The following MAEL variants were observed in gnomAD, a reference collection of about 807,000 sequenced individuals.
MAEL encodes protein maelstrom homolog.
In MAEL, 46 loss-of-function variants were observed where a neutral mutation model predicts 62.0. The observed-to-expected ratio is 0.74, with a 90% CI of 0.59 to 0.95. MAEL has a LOEUF of 0.95. MAEL is among the 40% of genes least tolerant of loss of function. The pLI is 0.00. For missense variants in MAEL, 497 were observed against 526.8 expected, an observed-to-expected ratio of 0.94 and a Z score of 0.55; for synonymous variants, 172 against 175.5, an observed-to-expected ratio of 0.98 and a Z score of 0.16.
At chr1:166,991,652 TAGG>T (rs1664178524) in intron 3 of MAEL, among the ~76,000 whole-genome samples, 175 bp downstream of exon 3, 2 of 151,394 alleles carry the variant, frequency 1.3e-5, no homozygotes, top group South Asian at 2.1e-4. Context: ...TGAAATAAAA[TAGG>T]AGAGTGGTTT....
chr1:166,991,406 C>T lies in MAEL; in HGVS notation c.254C>T (p.Pro85Leu), dbSNP rs1664168457. The T allele has an allele frequency of 6.2e-7, 1 of 1,612,966 alleles. No homozygotes were observed. Among genetic ancestry groups the T allele is most frequent in the Non-Finnish European group, 8.5e-7 (1 of 1,179,158 alleles). The change falls in exon 3 of 12, where the codon CCA becomes CTA. Residue 85 changes from proline to leucine, a missense_variant. Pro to Leu is a moderately conservative substitution (Grantham distance 98). Coordinates refer to ENST00000367872, the MANE Select transcript of MAEL (RefSeq NM_032858.3). ...QKPVFTPLRRPGMLVPKQNVS... is the reference protein window; with the variant it reads ...QKPVFTPLRRLGMLVPKQNVS... ...CCTGTTTTCACACCACTGAGGAGGC[C>T]AGGCATGCTTGTACCAAAGCAGAAT...
At chr1:166,982,194 T>C (rs1371455573) in intron 1 of MAEL, among the ~76,000 whole-genome samples, 2 of 152,202 alleles carry the variant, frequency 1.3e-5, no homozygotes, top group African/African-American at 4.8e-5. Context: ...GTCTAGATGG[T>C]ACTCAGAAAT....
At chr1:166,993,008 T>G (rs1266464858) in intron 4 of MAEL, among the ~76,000 whole-genome samples, 167 bp downstream of exon 4, 2 of 152,164 alleles carry the variant, frequency 1.3e-5, no homozygotes, top group African/African-American at 4.8e-5. Flanking sequence ...AATTAGGTGT[T>G]GACAAAGGGT....
At chr1:167,007,425 C>T (rs1664963175) in intron 8 of MAEL, among the ~76,000 whole-genome samples, 1 of 152,264 alleles carries the variant, frequency 6.6e-6, no homozygotes, top group South Asian at 2.1e-4. Context: ...AGCCATTTCT[C>T]CCAAGAATCT....
intron 1 of MAEL, among the ~76,000 whole-genome samples, chr1:166,977,920 C>T (rs1418675878): frequency 1.3e-5 from 2 of 151,942 alleles, no homozygotes; most frequent in Non-Finnish European, 1.5e-5. Flanking sequence ...TACTGGACTC[C>T]AGCCTGGGTG....
chr1:166,980,376 G>A (rs1300634860), intron 1 of MAEL, among the ~76,000 whole-genome samples: 1 of 152,016 alleles, frequency 6.6e-6, no homozygotes, highest in Non-Finnish European at 1.5e-5. Context: ...AAAGGTGCTG[G>A]ACAAAAGCTG....
upstream of MAEL, chr1:166,989,267 G>A: frequency 2.7e-6 from 4 of 1,505,394 alleles, no homozygotes; most frequent in Non-Finnish European, 3.6e-6. Context: ...GTGCGCAGGC[G>A]CCTACCTCTG....
At chr1:167,020,796 C>G (rs917816237) in intron 10 of MAEL, among the ~76,000 whole-genome samples, 1 of 151,898 alleles carries the variant, frequency 6.6e-6, no homozygotes, top group Non-Finnish European at 1.5e-5. Context: ...AGTAATTTTC[C>G]CCTCCTGTAT....
Position 166,994,003 on chromosome 1 carries a change from C to T in MAEL, c.482-25C>T, listed in dbSNP as rs746903825. The stretch of plus-strand genomic sequence containing the variant: ...CTAGAGAACTTTAAAATTTTTGCTT[C>T]TCAACAAGATATTTTGTATTATAGG... On this transcript the variant is annotated intron_variant, in intron 4 of 11. Coordinates refer to ENST00000367872, the MANE Select transcript of MAEL (RefSeq NM_032858.3). 2.0e-5 allele frequency: 32 copies of T among 1,606,622 alleles called. 1 individual carries two copies. In the South Asian group the frequency reaches 3.2e-4, roughly 16 times the overall value.
chr1:167,011,316 T>C (rs1364128962), intron 8 of MAEL, among the ~76,000 whole-genome samples: 1 of 152,222 alleles, frequency 6.6e-6, no homozygotes, highest in African/African-American at 2.4e-5. Flanking sequence ...CTTCTAGTTA[T>C]GCTGTAGGTG....
intron 10 of MAEL, among the ~76,000 whole-genome samples, chr1:167,020,411 G>A (rs1380182787): frequency 1.3e-5 from 2 of 152,064 alleles, no homozygotes; most frequent in African/African-American, 4.8e-5. Context: ...GAACTACCAC[G>A]CTGACCGATC....
At position 167,005,323 on chromosome 1, in the gene MAEL, T is replaced by C. The variant is rs1453721774; in HGVS notation, c.771T>C (p.Phe257=). 1.2e-6 allele frequency: 2 copies of C among 1,613,736 alleles called. No homozygotes were observed. Among genetic ancestry groups the C allele is most frequent in the South Asian group, 2.2e-5 (2 of 91,066 alleles). ...TAGTGGGGATCTACCAACAAAAATT[T>C]CTCAAGGAGCCCTCTAAGACTTGGA... ...DLVVGIYQQK[F]LKEPSKTWIR... The change falls in exon 8 of 12, where the codon TTT becomes TTC. Residue 257 remains phenylalanine (F), a synonymous_variant. Coordinates refer to ENST00000367872, the MANE Select transcript of MAEL (RefSeq NM_032858.3).
chr1:167,021,215 T>C (rs1665617317), intron 11 of MAEL, 55 bp downstream of exon 11: 1 of 1,216,896 alleles, frequency 8.2e-7, no homozygotes. Flanking sequence ...AGCCTATTAC[T>C]AAGATCCCAG....
chr1:167,013,614 T>C (rs925431274), intron 8 of MAEL, among the ~76,000 whole-genome samples: 2 of 152,224 alleles, frequency 1.3e-5, no homozygotes, highest in Non-Finnish European at 2.9e-5. Context: ...CTGGATTATC[T>C]CATTCTTCTG....
intron 10 of MAEL, 61 bp from the exon 11 acceptor site, chr1:167,021,024 C>T (rs1342174347): frequency 6.8e-6 from 8 of 1,170,666 alleles, no homozygotes; most frequent in South Asian, 1.3e-5. Flanking sequence ...TGAAGACAGA[C>T]CATCCAGTAA....
At chr1:166,986,748 A>G (rs1663926158), upstream of MAEL, among the ~76,000 whole-genome samples, 2 of 152,222 alleles carry the variant, frequency 1.3e-5, no homozygotes, top group African/African-American at 4.8e-5. Context: ...AAAAAAAGAA[A>G]CATAAAACAG....
intron 4 of MAEL, among the ~76,000 whole-genome samples, chr1:166,993,674 G>A (rs1034631130): frequency 6.6e-6 from 1 of 152,116 alleles, no homozygotes; most frequent in African/African-American, 2.4e-5. Flanking sequence ...TTTGGGGACT[G>A]TTTTTCCTCT....
At chr1:166,996,321 A>AT (rs2102079233) in intron 5 of MAEL, among the ~76,000 whole-genome samples, 1 of 152,338 alleles carries the variant, frequency 6.6e-6, no homozygotes, top group South Asian at 2.1e-4. Flanking sequence ...TTTATGAACT[A>AT]TGAGTGAGAG....
intron 5 of MAEL, among the ~76,000 whole-genome samples, chr1:166,996,454 A>G (rs1032803586): frequency 1.3e-5 from 2 of 152,206 alleles, no homozygotes; most frequent in Non-Finnish European, 2.9e-5. Flanking sequence ...AATTTTGAAA[A>G]TTGCTTTCAG....
Sources: gnomAD v4.1 joint callset for allele counts (sites outside exome capture counted in the v4.1 genomes callset) on GRCh38, gnomAD v4.1.1 for gene constraint, MANE v1.5 for transcripts, NCBI Gene and HGNC (gene_info 2026-07-23, HGNC 2026-07-21) for gene names.